Variants in SCML4 observed in about 807,000 individuals in gnomAD.
SCML4 encodes sex comb on midleg-like protein 4.
A neutral mutation model predicts 41.1 loss-of-function variants in SCML4; 34 were observed. The observed-to-expected ratio is 0.83, with a 90% confidence interval of 0.63 to 1.10. The LOEUF (loss-of-function observed/expected upper bound fraction) is 1.10, where lower values mean the gene tolerates loss of function less well. Ranked by LOEUF, SCML4 falls within the 50% of genes least tolerant of loss-of-function variation. The pLI, the probability that SCML4 is intolerant of heterozygous loss-of-function variation, is 0.00. For missense variants in SCML4, 522 were observed against 534.1 expected, an observed-to-expected ratio of 0.98 and a Z score of 0.22; for synonymous variants, 214 against 220.9, an observed-to-expected ratio of 0.97 and a Z score of 0.28.
intron 1 of SCML4, among the ~76,000 whole-genome samples, chr6:107,780,402 T>G (rs1215495237): frequency 6.6e-6 from 1 of 152,152 alleles, no homozygotes; most frequent in African/African-American, 2.4e-5. Flanking sequence ...TGGATACTAT[T>G]CTCCACCATA....
intron 2 of SCML4, among the ~76,000 whole-genome samples, chr6:107,764,793 CATGGGGGTA>C (rs1779900707): frequency 6.6e-6 from 1 of 152,186 alleles, no homozygotes; most frequent in Non-Finnish European, 1.5e-5. Flanking sequence ...GTAACTGAAT[CATGGGGGTA>C]ATTTCCCCCA....
intron 6 of SCML4, chr6:107,720,399 A>G: frequency 9.4e-7 from 1 of 1,065,536 alleles, no homozygotes; most frequent in Non-Finnish European, 1.1e-6. Context: ...GCATCCATGA[A>G]TCAGGAACAT....
chr6:107,748,460 T>G (rs986978167), intron 3 of SCML4, among the ~76,000 whole-genome samples: 1 of 152,206 alleles, frequency 6.6e-6, no homozygotes, highest in Non-Finnish European at 1.5e-5. Context: ...TTTGGTGGTA[T>G]TATTACTGAT....
chr6:107,839,913 A>G, the SCML4 span, among the ~76,000 whole-genome samples: 1 of 152,198 alleles, frequency 6.6e-6, no homozygotes, highest in East Asian at 1.9e-4. Flanking sequence ...TTAAATATCT[A>G]AGTTGTAATT....
At chr6:107,781,842 T>G (rs987242081) in intron 1 of SCML4, among the ~76,000 whole-genome samples, 8 of 152,164 alleles carry the variant, frequency 5.3e-5, no homozygotes, top group Non-Finnish European at 1.0e-4. Flanking sequence ...AGGCTCATGC[T>G]CCTCCTTCTC....
intron 2 of SCML4, among the ~76,000 whole-genome samples, chr6:107,768,044 C>T (rs72933163): frequency 0.11 from 16,152 of 147,878 alleles, 1,016 homozygotes; most frequent in African/African-American, 0.18. Flanking sequence ...GAGGATCTCT[C>T]GAGCTCAGGC....
At chr6:107,802,576 GAGGGAGGA>G (rs772493555) in intron 1 of SCML4, among the ~76,000 whole-genome samples, 953 of 51,238 alleles carry the variant, frequency 0.019, 2 homozygotes, top group East Asian at 0.04. Context: ...TCGAGGGAGG[GAGGGAGGA>G]AGGAAGGAAG....
At chr6:107,808,592 C>T (rs1450861686) in intron 1 of SCML4, among the ~76,000 whole-genome samples, 1 of 152,090 alleles carries the variant, frequency 6.6e-6, no homozygotes, top group East Asian at 1.9e-4. Context: ...TCTTGAAGGA[C>T]ATACAGAACT....
chr6:107,737,300 A>G lies in SCML4; in HGVS notation c.682+7649T>C, dbSNP rs118033085. On this transcript the variant is annotated intron_variant, in intron 5 of 7. Transcript: ENST00000369020. Reference sequence around the variant, plus strand: ...GGGGAAGGTTTACAGGGCACCAGAGACCATGCTTCAGGTGCTTGCTGGCCA... The same window carrying G: ...GGGGAAGGTTTACAGGGCACCAGAGGCCATGCTTCAGGTGCTTGCTGGCCA... Among the ~76,000 whole-genome samples the G allele has an allele frequency of 4.0e-3, 608 of 152,286 alleles. 7 individuals carry two copies. The East Asian group carries it at 0.053, about 13-fold the overall frequency.
chr6:107,763,815 T>C (rs969929988), intron 2 of SCML4, among the ~76,000 whole-genome samples: 4 of 152,196 alleles, frequency 2.6e-5, no homozygotes, highest in African/African-American at 9.6e-5. Flanking sequence ...TGCTGCACCT[T>C]GATCTTGGAC....
chr6:107,782,074 T>C (rs1781545312), intron 1 of SCML4, among the ~76,000 whole-genome samples: 1 of 152,176 alleles, frequency 6.6e-6, no homozygotes, highest in Admixed American at 6.5e-5. Context: ...GATTCATATA[T>C]TTAAGGACAA....
the SCML4 span, among the ~76,000 whole-genome samples, chr6:107,844,944 A>ATT: frequency 1.8e-3 from 270 of 150,478 alleles, 1 homozygote; most frequent in East Asian, 0.013. Context: ...TTAAAAAAAA[A>ATT]AAAAAAAAAG....
intron 3 of SCML4, among the ~76,000 whole-genome samples, chr6:107,748,138 A>G (rs922673372): frequency 7.2e-5 from 11 of 152,268 alleles, no homozygotes; most frequent in African/African-American, 2.4e-4. Flanking sequence ...AGCATTGCAT[A>G]CATTGTAAAA....
In SCML4 at chr6:107,801,981, C is replaced by T. The variant is rs184655567; in HGVS notation, c.-60+22145G>A. On this transcript the variant is annotated intron_variant, in intron 1 of 7. Coordinates refer to ENST00000369020, the MANE Select transcript of SCML4 (RefSeq NM_198081.5). ...AGAGACAGGGTTTCACCATGTTAGC[C>T]AGGATGGTCTCGATCTCCTAGCCTC... 8.6e-5 allele frequency among the ~76,000 whole-genome samples: 13 copies of T among 152,002 alleles called. 1 individual carries two copies. In the East Asian group the frequency reaches 2.3e-3, roughly 27 times the overall value.
intron 1 of SCML4, among the ~76,000 whole-genome samples, chr6:107,789,114 G>T (rs910029863): frequency 1.3e-5 from 2 of 152,170 alleles, no homozygotes; most frequent in African/African-American, 2.4e-5. Flanking sequence ...CAGCCTGTTG[G>T]TTCCGCAGGC....
intron 6 of SCML4, among the ~76,000 whole-genome samples, chr6:107,711,556 C>T (rs1349851700): frequency 6.6e-6 from 1 of 152,160 alleles, no homozygotes; most frequent in African/African-American, 2.4e-5. Flanking sequence ...TTGAAATGAC[C>T]TAAGGATGCA....
At chr6:107,758,140 T>C (rs1342968604) in intron 2 of SCML4, among the ~76,000 whole-genome samples, 3 of 152,242 alleles carry the variant, frequency 2.0e-5, no homozygotes, top group Non-Finnish European at 4.4e-5. Flanking sequence ...CTGTTCTAGG[T>C]GCTGAAGATT....
chr6:107,772,291 G>T lies in SCML4; in HGVS notation c.37C>A (p.Arg13=), dbSNP rs1035158692. ...ATAGGCGTGGAGTGAAGTGAGGGTC[G>T]GCCTCGCTTTCTCCCCGGGATCCTT... is the stretch of plus-strand genomic sequence containing the variant. ...SQRIPGRKRG[R]PSLHSTPMKM... is the part of the protein sequence containing the mutation. Residue 13 remains arginine (R), a synonymous_variant, in exon 2 of 8, where the codon CGA becomes AGA. Coordinates refer to ENST00000369020, the MANE Select transcript of SCML4 (RefSeq NM_198081.5). 6.4e-7 allele frequency: 1 copy of T among 1,551,446 alleles called. No homozygotes were observed. Among genetic ancestry groups the T allele is most frequent in the South Asian group, 1.2e-5 (1 of 84,034 alleles).
chr6:107,741,416 T>C (rs1306834064), intron 5 of SCML4, among the ~76,000 whole-genome samples: 1 of 152,212 alleles, frequency 6.6e-6, no homozygotes, highest in Non-Finnish European at 1.5e-5. Context: ...TTGGTTTCCA[T>C]GGCAGGAGGC....
Sources: allele counts gnomAD v4.1 joint callset (sites outside exome capture counted in the v4.1 genomes callset), GRCh38; gene constraint gnomAD v4.1.1; transcripts MANE v1.5; gene names NCBI Gene and HGNC (gene_info 2026-07-23, HGNC 2026-07-21).